Variants in FAM98B observed in about 807,000 individuals in gnomAD.
The protein encoded by FAM98B is tRNA-splicing ligase complex subunit FAM98B.
A neutral mutation model predicts 43.9 loss-of-function variants in FAM98B; 32 were observed. That is an observed-to-expected ratio of 0.73 (90% CI 0.55 to 0.98). The LOEUF (loss-of-function observed/expected upper bound fraction) is 0.98, where lower values mean the gene tolerates loss of function less well. Ranked by LOEUF, FAM98B falls within the 50% of genes least tolerant of loss-of-function variation. The pLI is 0.00. For synonymous variants in FAM98B, 190 were observed against 174.0 expected, an observed-to-expected ratio of 1.09 and a Z score of -0.72; for missense variants, 514 against 522.9, an observed-to-expected ratio of 0.98 and a Z score of 0.17.
chr15:38,480,767 A>G (rs750669950), intron 6 of FAM98B, among the ~76,000 whole-genome samples: 4 of 152,172 alleles, frequency 2.6e-5, no homozygotes, highest in African/African-American at 4.8e-5. Context: ...TGGTAGGATT[A>G]TATTTCAAAA....
chr15:38,484,912 A>T lies in FAM98B; in HGVS notation c.*253A>T, dbSNP rs1890346981. 1 of 408,342 alleles carries T rather than the reference A, an allele frequency of 2.4e-6. No homozygotes were observed. The highest frequency in any genetic ancestry group is 4.0e-6 in the Non-Finnish European group (1 of 247,440). 25.3% of individuals were successfully genotyped at this position (408,342 alleles called of 1,614,324 possible). A position where few individuals can be genotyped will look rare whatever the true frequency, so the allele number is the denominator to read the frequency against. ...TGTCTTTTTAAAAAACAAAAAAAAG[A>T]ACAAAAATTATTTTTTAAAATGTAA... On this transcript the variant is annotated 3_prime_UTR_variant, in exon 8 of 8. Transcript: ENST00000397609.
intron 6 of FAM98B, among the ~76,000 whole-genome samples, chr15:38,480,316 C>T (rs1890264011): frequency 1.3e-5 from 2 of 152,078 alleles, no homozygotes; most frequent in Admixed American, 6.6e-5. Context: ...AAAAGATAAT[C>T]CTTTCCTTTT....
intron 4 of FAM98B, 193 bp downstream of exon 4, chr15:38,470,598 A>G (rs1355197968): frequency 9.4e-6 from 4 of 425,748 alleles, no homozygotes; most frequent in South Asian, 5.1e-5. Flanking sequence ...ATATTCAGGA[A>G]TCAAATCTTA....
chr15:38,460,526 C>T (rs547063279), intron 1 of FAM98B, among the ~76,000 whole-genome samples: 1 of 152,252 alleles, frequency 6.6e-6, no homozygotes, highest in East Asian at 1.9e-4. Flanking sequence ...GACATCATTC[C>T]AGCTCTACTG....
intron 1 of FAM98B, among the ~76,000 whole-genome samples, chr15:38,457,667 CAT>C (rs1889869387): frequency 1.3e-5 from 2 of 151,908 alleles, no homozygotes; most frequent in African/African-American, 4.8e-5. Context: ...TACATACAGA[CAT>C]TAAAGAAACT....
At position 38,480,023 on chromosome 15, in the gene FAM98B, TC is replaced by T. The variant is rs560607295; in HGVS notation, c.730-1267del. ...CTATTTATGTCTTGTCATTTTTTTTTCCTGTAAAATTCTGTTTTCTTTTTGT... is the reference window on the plus strand; with the variant it reads ...CTATTTATGTCTTGTCATTTTTTTTTCTGTAAAATTCTGTTTTCTTTTTGT... On this transcript the variant is annotated intron_variant, in intron 6 of 7. Coordinates refer to ENST00000397609, the MANE Select transcript of FAM98B (RefSeq NM_173611.4). Among the ~76,000 whole-genome samples the T allele has an allele frequency of 3.0e-3, 464 of 152,272 alleles. 1 individual carries two copies. Among genetic ancestry groups the T allele is most frequent in the African/African-American group, 0.011 (445 of 41,582 alleles).
At chr15:38,466,098 A>G (rs974968101) in intron 3 of FAM98B, among the ~76,000 whole-genome samples, 1 of 152,062 alleles carries the variant, frequency 6.6e-6, no homozygotes, top group Non-Finnish European at 1.5e-5. Flanking sequence ...ATTTCAGATC[A>G]TGCCATTTAT....
At chr15:38,477,002 G>A (rs1890210524) in intron 6 of FAM98B, among the ~76,000 whole-genome samples, 1 of 151,852 alleles carries the variant, frequency 6.6e-6, no homozygotes, top group South Asian at 2.1e-4. Context: ...AATGATAAAG[G>A]CAGTTGGGGT....
At position 38,481,229 on chromosome 15, in the gene FAM98B, T is replaced by C. The variant is rs1391348969; in HGVS notation, c.730-63T>C. The stretch of plus-strand genomic sequence containing the variant: ...TTTTCTTTATTTCTAAAGATTATGA[T>C]TGTTTTTGCTCTTTCATTAAAATGT... On this transcript the variant is annotated intron_variant, in intron 6 of 7. Transcript: ENST00000397609. The C allele has an allele frequency of 2.2e-6, 3 of 1,376,110 alleles. No homozygotes were observed. The African/African-American group carries it at 4.3e-5, about 20-fold the overall frequency. 85.2% of individuals were successfully genotyped at this position (1,376,110 alleles called of 1,614,324 possible).
intron 2 of FAM98B, among the ~76,000 whole-genome samples, chr15:38,464,904 A>G (rs995133854): frequency 3.3e-5 from 5 of 152,202 alleles, no homozygotes; most frequent in Admixed American, 6.5e-5. Flanking sequence ...ACCCAGCCAG[A>G]TCTAACAGTT....
intron 1 of FAM98B, among the ~76,000 whole-genome samples, chr15:38,460,221 T>C (rs1595796516): frequency 6.6e-6 from 1 of 152,270 alleles, no homozygotes. Flanking sequence ...TAACTAAGAA[T>C]ATATAGAACA....
At position 38,470,417 on chromosome 15, in the gene FAM98B, GTTT is replaced by G. The variant is rs1382888164; in HGVS notation, c.531+14_531+16del. 5.7e-6 allele frequency: 9 copies of G among 1,568,072 alleles called. No homozygotes were observed. Among genetic ancestry groups the G allele is most frequent in the Admixed American group, 4.3e-5 (2 of 47,010 alleles). ...AAGTGGAATCAAAGGTATTATCTTT[GTTT>G]TATTTTCCCCAAAATTCAACTGAAT... On this transcript the variant is annotated intron_variant, in intron 4 of 7. Transcript: ENST00000397609.
Position 38,465,374 on chromosome 15 carries a change from A to T in FAM98B, c.323A>T (p.Lys108Ile), listed in dbSNP as rs1890013681. 1.2e-6 allele frequency: 2 copies of T among 1,603,854 alleles called. No homozygotes were observed. The highest frequency in any genetic ancestry group is 3.4e-5 in the Admixed American group (2 of 58,172). The change falls in exon 3 of 8, where the codon AAA becomes ATA. Residue 108 changes from lysine to isoleucine, a missense_variant. This residue lies in a region of FAM98B where 469 missense variants were observed against 451.8 expected (regional missense o/e 1.04). Coordinates refer to ENST00000397609, the MANE Select transcript of FAM98B (RefSeq NM_173611.4). Reference protein sequence around the residue: ...LISGDIKDRLKKKEDCLKLLL... With the variant: ...LISGDIKDRLIKKEDCLKLLL... The stretch of plus-strand genomic sequence containing the variant: ...TCAGGAGATATTAAAGATCGTTTAA[A>T]AAAGAAGGAGGACTGTTTGAAACTT...
rs1890341944 is a variant in FAM98B, at chr15:38,484,617, T to A, written c.1260T>A (p.Gly420=). 2 of 1,158,252 alleles carry A rather than the reference T, an allele frequency of 1.7e-6. No homozygotes were observed. Among genetic ancestry groups the A allele is most frequent in the Admixed American group, 3.1e-5 (1 of 32,040 alleles). The allele number at this position is 1,158,252 out of a possible 1,614,324, so 71.7% of individuals were successfully genotyped here. The change falls in exon 8 of 8, where the codon GGT becomes GGA. Residue 420 remains glycine, a synonymous_variant. Transcript: ENST00000397609. ...YGDPYGGGGG[G]GGGGGGGGGY... ...ATCCATATGGAGGAGGTGGTGGTGGTGGTGGTGGTGGTGGTGGAGGAGGTG... is the reference window on the plus strand; with the variant it reads ...ATCCATATGGAGGAGGTGGTGGTGGAGGTGGTGGTGGTGGTGGAGGAGGTG...
At chr15:38,454,276 T>C (rs755491997) in intron 1 of FAM98B, 44 bp downstream of exon 1, 8 of 1,564,728 alleles carry the variant, frequency 5.1e-6, no homozygotes, top group Non-Finnish European at 6.9e-6. Context: ...ACGCAACCTC[T>C]CCTTGGCCTG....
At chr15:38,481,836 G>A (rs1890291867) in intron 7 of FAM98B, 1 of 381,992 alleles carries the variant, frequency 2.6e-6, no homozygotes, top group Admixed American at 4.1e-5. Context: ...GTGCTTTAGA[G>A]TCAGACCAAT....
Position 38,484,277 on chromosome 15 carries a change from A to C in FAM98B, c.920A>C (p.Asp307Ala). 2 of 1,550,116 alleles carry C rather than the reference A, an allele frequency of 1.3e-6. No homozygotes were observed. The highest frequency in any genetic ancestry group is 1.7e-6 in the Non-Finnish European group (2 of 1,147,096). ...CAGGTGCTGATGGGAAGGGTGCCTG[A>C]CAGGGGAGGCCGGCCGAATGAAATT... ...INKVLMGRVP[D>A]RGGRPNEIEP... Residue 307 changes from aspartate to alanine, a missense_variant, in exon 8 of 8, where the codon GAC becomes GCC. This residue lies in a region of FAM98B where 469 missense variants were observed against 451.8 expected (regional missense o/e 1.04). Transcript: ENST00000397609.
chr15:38,483,355 TCTCA>T (rs900155197), intron 7 of FAM98B: 1 of 151,726 alleles, frequency 6.6e-6, no homozygotes, highest in African/African-American at 2.4e-5. Context: ...AGAAATACTC[TCTCA>T]GATTGTTTAA....
chr15:38,481,057 T>C (rs1478909653), intron 6 of FAM98B, among the ~76,000 whole-genome samples: 2 of 152,140 alleles, frequency 1.3e-5, no homozygotes, highest in Non-Finnish European at 2.9e-5. Flanking sequence ...AGAAATTTTT[T>C]TGTTATTATT....
Sources: allele counts gnomAD v4.1 joint callset (sites outside exome capture counted in the v4.1 genomes callset), GRCh38; gene constraint gnomAD v4.1.1; regional missense constraint gnomAD v4.1.1; transcripts MANE v1.5; gene names NCBI Gene and HGNC (gene_info 2026-07-23, HGNC 2026-07-21).